NRG1: variants seen among roughly 807,000 people sequenced by gnomAD.
The protein encoded by NRG1 is neuregulin 1, also known as pro-neuregulin-1, membrane-bound isoform.
In NRG1, 18 loss-of-function variants were observed where a neutral mutation model predicts 63.8. That is an observed-to-expected ratio of 0.28 (90% CI 0.19 to 0.42). The LOEUF (loss-of-function observed/expected upper bound fraction) is 0.42, where lower values mean the gene tolerates loss of function less well. Ranked by LOEUF, NRG1 falls within the 10% of genes least tolerant of loss-of-function variation. NRG1 has a pLI of 1.00. For synonymous variants in NRG1, 302 were observed against 301.3 expected (o/e 1.00, Z -0.02); for missense variants, 762 against 814.7 (o/e 0.94, Z 0.79).
intron 7 of NRG1, among the ~76,000 whole-genome samples, chr8:32,743,827 G>A (rs1826941589): frequency 6.6e-6 from 1 of 151,812 alleles, no homozygotes; most frequent in African/African-American, 2.4e-5. Flanking sequence ...TGAAAGAATG[G>A]CAATTTTTTT....
At chr8:32,773,689 T>G (rs1284299106) in intron 7 of NRG1, among the ~76,000 whole-genome samples, 3 of 152,174 alleles carry the variant, frequency 2.0e-5, no homozygotes, top group Non-Finnish European at 4.4e-5. Context: ...ACTCATCTAC[T>G]TCCTTTCACT....
chr8:32,773,648 G>T (rs1383034113), intron 7 of NRG1, among the ~76,000 whole-genome samples: 1 of 152,092 alleles, frequency 6.6e-6, no homozygotes, highest in African/African-American at 2.4e-5. Context: ...GCTCTTATCA[G>T]CATCTGTCAC....
At chr8:32,311,778 C>T (rs1403807987) in intron 1 of NRG1, among the ~76,000 whole-genome samples, 3 of 152,128 alleles carry the variant, frequency 2.0e-5, no homozygotes, top group East Asian at 1.9e-4. Context: ...GGCCCAGAGC[C>T]GTGCTGCTTT....
intron 5 of NRG1, among the ~76,000 whole-genome samples, chr8:32,680,332 A>G (rs971043175): frequency 6.6e-5 from 10 of 152,158 alleles, no homozygotes; most frequent in Non-Finnish European, 1.5e-4. Context: ...ACTGATACCA[A>G]GGGGTACCTG....
intron 1 of NRG1, among the ~76,000 whole-genome samples, chr8:32,501,566 G>A (rs538350719): frequency 1.3e-5 from 2 of 152,262 alleles, no homozygotes; most frequent in East Asian, 1.9e-4. Context: ...TGTGAAAAAC[G>A]TGAAAAGGTT....
chr8:31,766,347 T>C (rs190459242), intron 1 of NRG1, among the ~76,000 whole-genome samples: 1 of 152,276 alleles, frequency 6.6e-6, no homozygotes, highest in East Asian at 1.9e-4. Flanking sequence ...TAGCCTGTGT[T>C]CAGTCTAGTA....
Position 31,640,431 on chromosome 8 carries a change from C to T in NRG1, c.37+1000C>T. On this transcript the variant is annotated intron_variant, in intron 1 of 10. Transcript: ENST00000519301. This position sits in a 1 kb window ranked among gnomAD's most constrained non-coding sequence, Gnocchi z 6.3. Reference sequence around the variant, plus strand: ...CCTCTTGGCCCACCGCCCCGGTGCCCAGCGCCGGCGAGCCCGGGGAGGAGG... The same window carrying T: ...CCTCTTGGCCCACCGCCCCGGTGCCTAGCGCCGGCGAGCCCGGGGAGGAGG... 6.6e-7 allele frequency: 1 copy of T among 1,512,862 alleles called. No individual in the cohort carries two copies. The highest frequency in any genetic ancestry group is 8.8e-7 in the Non-Finnish European group (1 of 1,130,184). 93.7% of individuals were successfully genotyped at this position (1,512,862 alleles called of 1,614,324 possible).
chr8:32,535,858 G>C (rs915994721), intron 1 of NRG1, among the ~76,000 whole-genome samples: 1 of 152,150 alleles, frequency 6.6e-6, no homozygotes, highest in Non-Finnish European at 1.5e-5. Flanking sequence ...TTTTCAGAGG[G>C]AGAAGAAAGT....
At chr8:32,181,618 A>G (rs193265073) in intron 1 of NRG1, among the ~76,000 whole-genome samples, 1 of 152,346 alleles carries the variant, frequency 6.6e-6, no homozygotes, top group Non-Finnish European at 1.5e-5. Flanking sequence ...ACCTTTAATA[A>G]GAGATGTGCT....
intron 1 of NRG1, among the ~76,000 whole-genome samples, chr8:32,325,154 G>A (rs892364389): frequency 3.9e-5 from 6 of 152,116 alleles, no homozygotes; most frequent in African/African-American, 1.2e-4. Flanking sequence ...TTAAGGAGGA[G>A]GCATGAGAAA....
At chr8:32,178,771 C>T (rs1037755623) in intron 1 of NRG1, among the ~76,000 whole-genome samples, 1 of 151,626 alleles carries the variant, frequency 6.6e-6, no homozygotes, top group South Asian at 2.1e-4. Context: ...TACAAGTTAG[C>T]GATACATTTA....
At chr8:32,345,669 G>A (rs902240455) in intron 1 of NRG1, among the ~76,000 whole-genome samples, 4 of 152,066 alleles carry the variant, frequency 2.6e-5, no homozygotes, top group South Asian at 2.1e-4. Flanking sequence ...ACATTCACAT[G>A]GTAAACTCAA....
Position 32,104,815 on chromosome 8 carries a change from T to G in NRG1, c.37+465384T>G, listed in dbSNP as rs549999780. Among the ~76,000 whole-genome samples the G allele has an allele frequency of 3.0e-3, 462 of 152,162 alleles. 2 individuals carry two copies. The highest frequency in any genetic ancestry group is 0.011 in the African/African-American group (442 of 41,522). On this transcript the variant is annotated intron_variant, in intron 1 of 10. Coordinates refer to the NRG1 transcript ENST00000519301. Reference sequence around the variant, plus strand: ...TTGTCCTACTGGAAGGTCTTCAGGGTAAATAACAAGCACGAAGCTGTCATC... The same window carrying G: ...TTGTCCTACTGGAAGGTCTTCAGGGGAAATAACAAGCACGAAGCTGTCATC...
chr8:32,617,915 T>A (rs1166211420), intron 5 of NRG1, among the ~76,000 whole-genome samples: 2 of 152,186 alleles, frequency 1.3e-5, no homozygotes, highest in Non-Finnish European at 2.9e-5. Context: ...CTATATGGTA[T>A]AAAATTATCT....
In NRG1 at chr8:32,001,909, A is replaced by G. The variant is rs1409451432; in HGVS notation, c.37+362478A>G. 5.9e-5 allele frequency among the ~76,000 whole-genome samples: 9 copies of G among 152,042 alleles called. 1 individual carries two copies. The highest frequency in any genetic ancestry group is 5.9e-4 in the Admixed American group (9 of 15,254). ...AGATTACTCCGCCTGAACATCATTG[A>G]CTTTTCCCCTTTCCATTCTGTACTG... On this transcript the variant is annotated intron_variant, in intron 1 of 10. Coordinates refer to the NRG1 transcript ENST00000519301.
chr8:32,306,689 G>A (rs927800984), intron 1 of NRG1, among the ~76,000 whole-genome samples: 4 of 152,208 alleles, frequency 2.6e-5, no homozygotes, highest in Non-Finnish European at 4.4e-5. Context: ...ATAAATGGTA[G>A]GACGAGGTTA....
chr8:32,555,761 G>A (rs372699719), intron 1 of NRG1, among the ~76,000 whole-genome samples: 8 of 152,268 alleles, frequency 5.3e-5, no homozygotes, highest in East Asian at 3.9e-4. Flanking sequence ...GTGAGCCACC[G>A]CGCCCGGCGG....
intron 5 of NRG1, among the ~76,000 whole-genome samples, chr8:32,696,273 A>G (rs903891059): frequency 2.2e-4 from 34 of 152,222 alleles, no homozygotes; most frequent in Non-Finnish European, 2.6e-4. Context: ...GATCCTTTTC[A>G]CTTTCAAAGT....
At chr8:32,171,808 C>A (rs10111760) in intron 1 of NRG1, among the ~76,000 whole-genome samples, 1 of 152,062 alleles carries the variant, frequency 6.6e-6, no homozygotes, top group Non-Finnish European at 1.5e-5. Flanking sequence ...GAGGGACGCC[C>A]GCCATTGCCA....
Sources: gnomAD v4.1 joint callset for allele counts (sites outside exome capture counted in the v4.1 genomes callset) on GRCh38, gnomAD v4.1.1 for gene constraint, Gnocchi (gnomAD v3.1) non-coding constraint, MANE v1.5 for transcripts, NCBI Gene and HGNC (gene_info 2026-07-23, HGNC 2026-07-21) for gene names.